GJA9: variants seen among roughly 807,000 people sequenced by gnomAD.
The protein encoded by GJA9 is gap junction protein alpha 9.
A neutral mutation model predicts 0.4 loss-of-function variants in GJA9; 1 was observed. That is an observed-to-expected ratio of 2.50 (90% confidence interval 0.89 to 11.88). The LOEUF is 11.88. Among genes scored for constraint, GJA9 ranks in the 30% most tolerant of loss-of-function variants. GJA9 has a pLI of 0.12. For missense variants in GJA9, 550 were observed against 602.8 expected, an observed-to-expected ratio of 0.91 and a Z score of 0.92; for synonymous variants, 190 against 219.1, an observed-to-expected ratio of 0.87 and a Z score of 1.17.
Position 38,874,917 on chromosome 1 carries a change from A to G in GJA9, c.1182T>C (p.Ala394=). ...SRGHRSIPGV[A]IDGENNMRQS... The stretch of plus-strand genomic sequence containing the variant: ...GCCTCATGTTGTTCTCTCCATCTAT[A>G]GCAACACCTGGAATAGAACGGTGAC... The change falls in exon 2 of 2, where the codon GCT becomes GCC. Residue 394 remains alanine (A), a synonymous_variant. Transcript: ENST00000357771. 1 of 1,614,174 alleles carries G rather than the reference A, an allele frequency of 6.2e-7. No homozygotes were observed. The highest frequency in any genetic ancestry group is 8.5e-7 in the Non-Finnish European group (1 of 1,180,016).
At chr1:38,878,910 T>G (rs895484463) in intron 1 of GJA9, among the ~76,000 whole-genome samples, 7 of 151,776 alleles carry the variant, frequency 4.6e-5, no homozygotes, top group Non-Finnish European at 7.4e-5. Flanking sequence ...ATTTTGTATT[T>G]TTAGTAGAGA....
In GJA9 at chr1:38,875,295, C is replaced by G. The variant is rs1398953465; in HGVS notation, c.804G>C (p.Gln268His). The change falls in exon 2 of 2, where the codon CAG becomes CAC. Residue 268 changes from glutamine to histidine, a missense_variant. Coordinates refer to ENST00000357771, the MANE Select transcript of GJA9 (RefSeq NM_030772.5). ...GCTTCAGTGAATTTGCAGATGTGCT[C>G]TGGTATTTGGCTACATTTTGTTTTG... is the stretch of plus-strand genomic sequence containing the variant. ...NKAKQNVAKYQSTSANSLKRL... is the reference protein window; with the variant it reads ...NKAKQNVAKYHSTSANSLKRL... 2 of 1,613,982 alleles carry G rather than the reference C, an allele frequency of 1.2e-6. No homozygotes were observed. Among genetic ancestry groups the G allele is most frequent in the Non-Finnish European group, 1.7e-6 (2 of 1,180,024 alleles).
rs1457202145 is a variant in GJA9, at chr1:38,881,495, C to T, written c.-159G>A. The T allele has an allele frequency of 7.1e-6, 5 of 700,198 alleles. No individual in the cohort carries two copies. The highest frequency in any genetic ancestry group is 7.0e-5 in the African/African-American group (4 of 57,152). 43.4% of individuals were successfully genotyped at this position (700,198 alleles called of 1,614,324 possible). A position where few individuals can be genotyped will look rare whatever the true frequency, so the allele number is the denominator to read the frequency against. ...TTAGAAGTTACAGCATGGCCATCTT[C>T]AATTTATTTTCTGAATTTGTCCCTT... On this transcript the variant is annotated 5_prime_UTR_variant, in exon 1 of 2. Coordinates refer to ENST00000357771, the MANE Select transcript of GJA9 (RefSeq NM_030772.5).
At chr1:38,877,280 C>G (rs1642604953) in intron 1 of GJA9, among the ~76,000 whole-genome samples, 1 of 151,974 alleles carries the variant, frequency 6.6e-6, no homozygotes, top group South Asian at 2.1e-4. Flanking sequence ...CTCAGGTGAT[C>G]TGCCCACCTC....
Position 38,874,369 on chromosome 1 carries a change from G to T in GJA9, c.*182C>A. ...CCTGATTTGACAACTCTATGTCTTT[G>T]AATTTAGAAGTGTTGCTTCACAATC... On this transcript the variant is annotated 3_prime_UTR_variant, in exon 2 of 2. Coordinates refer to ENST00000357771, the MANE Select transcript of GJA9 (RefSeq NM_030772.5). The T allele has an allele frequency of 1.8e-6, 1 of 544,144 alleles. No homozygotes were observed. The highest frequency in any genetic ancestry group is 3.2e-6 in the Non-Finnish European group (1 of 310,528). The allele number at this position is 544,144 out of a possible 1,614,324, so 33.7% of individuals were successfully genotyped here.
intron 1 of GJA9, among the ~76,000 whole-genome samples, chr1:38,878,617 C>T (rs1202774620): frequency 6.8e-6 from 1 of 147,644 alleles, no homozygotes; most frequent in Non-Finnish European, 1.5e-5. Context: ...GCAGAGGTTG[C>T]GGTGAGCCAA....
At position 38,880,415 on chromosome 1, in the gene GJA9, AT is replaced by A. The variant is rs1557602381; in HGVS notation, c.-96+1016del. On this transcript the variant is annotated intron_variant, in intron 1 of 1. Transcript: ENST00000357771. ...AAGACTCTGTCTCAAAAAAAAATAA[AT>A]AATAATAATAATAATAATAATAATA... 8.3e-3 allele frequency among the ~76,000 whole-genome samples: 285 copies of A among 34,534 alleles called. 6 individuals carry two copies. The highest frequency in any genetic ancestry group is 0.012 in the Non-Finnish European group (191 of 16,114). The allele number at this position is 34,534 out of a possible 152,430, so 22.7% of individuals were successfully genotyped here.
At chr1:38,876,376 C>T (rs551888864) in intron 1 of GJA9, 183 bp from the exon 2 acceptor site, 11 of 397,674 alleles carry the variant, frequency 2.8e-5, no homozygotes, top group African/African-American at 2.1e-4. Flanking sequence ...CAGACTCAAG[C>T]GATCATCTCC....
At chr1:38,880,622 A>T (rs1642681074) in intron 1 of GJA9, among the ~76,000 whole-genome samples, 1 of 151,248 alleles carries the variant, frequency 6.6e-6, no homozygotes, top group Admixed American at 6.6e-5. Flanking sequence ...TCTCTACTAA[A>T]AATACAAAAA....
In GJA9 at chr1:38,875,808, C is replaced by T; in HGVS notation, c.291G>A (p.Leu97=). 1 of 1,614,206 alleles carries T rather than the reference C, an allele frequency of 6.2e-7. No individual in the cohort carries two copies. The highest frequency in any genetic ancestry group is 8.5e-7 in the Non-Finnish European group (1 of 1,180,046). The change falls in exon 2 of 2, where the codon TTG becomes TTA. Residue 97 remains leucine, a synonymous_variant. Coordinates refer to ENST00000357771, the MANE Select transcript of GJA9 (RefSeq NM_030772.5). ...SPSLVYMGHA[L]YRLRVLEEER... ...CTTCCTCAAGAACTCTCAGTCGGTA[C>T]AATGCATGGCCCATGTAGACCAGGG...
In GJA9 at chr1:38,875,042, C is replaced by G. The variant is rs1642557206; in HGVS notation, c.1057G>C (p.Asp353His). ...TCTTTTCCAAATATTTTATGAGTGTCTTTGTTATTGTTTGAACTGATGTGT... is the reference window on the plus strand; with the variant it reads ...TCTTTTCCAAATATTTTATGAGTGTGTTTGTTATTGTTTGAACTGATGTGT... ...FQHISSNNNK[D>H]THKIFGKELN... is the part of the protein sequence containing the mutation. Residue 353 changes from aspartate to histidine, a missense_variant, in exon 2 of 2, where the codon GAC (aspartate) becomes CAC (histidine). By Grantham distance (81) the Asp-to-His change is moderately conservative. Coordinates refer to ENST00000357771, the MANE Select transcript of GJA9 (RefSeq NM_030772.5). 1 of 1,613,942 alleles carries G rather than the reference C, an allele frequency of 6.2e-7. No homozygotes were observed. The highest frequency in any genetic ancestry group is 1.7e-5 in the Admixed American group (1 of 59,992).
chr1:38,879,028 C>T (rs1035872446), intron 1 of GJA9, among the ~76,000 whole-genome samples: 4 of 152,024 alleles, frequency 2.6e-5, no homozygotes, highest in African/African-American at 4.8e-5. Flanking sequence ...CCACTGCGCC[C>T]GGCCTTATGG....
In GJA9 at chr1:38,874,941, A is replaced by T. The variant is rs1444567371; in HGVS notation, c.1158T>A (p.Gly386=). Residue 386 remains glycine, a synonymous_variant, in exon 2 of 2, where the codon GGT becomes GGA. Coordinates refer to ENST00000357771, the MANE Select transcript of GJA9 (RefSeq NM_030772.5). ...KDSKRNYYSR[G]HRSIPGVAID... The stretch of plus-strand genomic sequence containing the variant: ...TAGCAACACCTGGAATAGAACGGTG[A>T]CCTCTAGAGTAGTAGTTCCTTTTGC... 5 of 1,614,030 alleles carry T rather than the reference A, an allele frequency of 3.1e-6. No homozygotes were observed. Among genetic ancestry groups the T allele is most frequent in the Non-Finnish European group, 4.2e-6 (5 of 1,180,024 alleles).
At chr1:38,879,455 C>T (rs1357131032) in intron 1 of GJA9, among the ~76,000 whole-genome samples, 2 of 152,168 alleles carry the variant, frequency 1.3e-5, no homozygotes, top group Non-Finnish European at 2.9e-5. Context: ...AACGGAAGCA[C>T]ACCTTAATTT....
At position 38,875,744 on chromosome 1, in the gene GJA9, C is replaced by G. The variant is rs1254203832; in HGVS notation, c.355G>C (p.Glu119Gln). The G allele has an allele frequency of 6.2e-7, 1 of 1,614,140 alleles. No individual in the cohort carries two copies. Among genetic ancestry groups the G allele is most frequent in the African/African-American group, 1.3e-5 (1 of 74,954 alleles). Residue 119 changes from glutamate (E) to glutamine (Q), a missense_variant, in exon 2 of 2, where the codon GAG becomes CAG. By Grantham distance (29) the Glu-to-Gln change is conservative (BLOSUM62 2). Coordinates refer to ENST00000357771, the MANE Select transcript of GJA9 (RefSeq NM_030772.5). ...CTAGGCATTTCAAACTCTACCTCCT[C>G]CAGTTCTACTCTTAACTGAGCTTTC... ...RMKAQLRVEL[E>Q]EVEFEMPRDR...
chr1:38,881,362 A>G (rs563294412), intron 1 of GJA9, 70 bp downstream of exon 1: 2 of 694,288 alleles, frequency 2.9e-6, no homozygotes, highest in African/African-American at 1.8e-5. Flanking sequence ...CATAGAATTC[A>G]AAAGAAAAAG....
intron 1 of GJA9, 157 bp from the exon 2 acceptor site, chr1:38,876,350 T>G: frequency 2.1e-6 from 1 of 474,668 alleles, no homozygotes; most frequent in Non-Finnish European, 3.8e-6. Context: ...CACAACTCCC[T>G]GCAGCCTCAA....
intron 1 of GJA9, among the ~76,000 whole-genome samples, chr1:38,878,521 C>A (rs1269371801): frequency 1.3e-5 from 2 of 150,186 alleles, no homozygotes; most frequent in Admixed American, 1.3e-4. Context: ...TACAAAAATA[C>A]AAAAAATTAG....
At chr1:38,879,255 A>G (rs1263094576) in intron 1 of GJA9, among the ~76,000 whole-genome samples, 1 of 152,194 alleles carries the variant, frequency 6.6e-6, no homozygotes, top group East Asian at 1.9e-4. Context: ...CAGAGGAAAT[A>G]TACCCCAAAG....
Sources: allele counts gnomAD v4.1 joint callset (sites outside exome capture counted in the v4.1 genomes callset), GRCh38; gene constraint gnomAD v4.1.1; transcripts MANE v1.5; gene names NCBI Gene and HGNC (gene_info 2026-07-23, HGNC 2026-07-21).